The following DNAH6 variants were observed in gnomAD, a reference collection of about 807,000 sequenced individuals.
The protein encoded by DNAH6 is axonemal beta dynein heavy chain 6.
A neutral mutation model predicts 491.4 loss-of-function variants in DNAH6; 340 were observed. The observed-to-expected ratio is 0.69, with a 90% CI of 0.63 to 0.76. DNAH6 has a LOEUF of 0.76. DNAH6 is among the 30% of genes least tolerant of loss of function. The pLI is 0.00. For missense variants in DNAH6, 4,443 were observed against 4,972.2 expected, an observed-to-expected ratio of 0.89 and a Z score of 3.20; for synonymous variants, 1,603 against 1,686.1, an observed-to-expected ratio of 0.95 and a Z score of 1.21.
chr2:84,623,569 A>T (rs1455365417), intron 26 of DNAH6, among the ~76,000 whole-genome samples: 3 of 152,334 alleles, frequency 2.0e-5, no homozygotes, highest in South Asian at 2.1e-4. Flanking sequence ...ACTCTCATGA[A>T]ATTCCTCAAA....
At chr2:84,637,176 G>T (rs754029424) in intron 30 of DNAH6, 34 bp from the exon 31 acceptor site, 13 of 1,492,530 alleles carry the variant, frequency 8.7e-6, no homozygotes, top group Non-Finnish European at 1.2e-5. Flanking sequence ...CAAGTGTCTG[G>T]AAGAGTGTTA....
Position 84,722,590 on chromosome 2 carries a change from G to T in DNAH6, c.9793-35G>T, listed in dbSNP as rs559915495. The stretch of plus-strand genomic sequence containing the variant: ...GAAGTCCCACTATTTTTCTGGAACA[G>T]ATCCCTAAGAACTTGTTATTGTATG... On this transcript the variant is annotated intron_variant, in intron 59 of 76. Coordinates refer to ENST00000389394, the MANE Select transcript of DNAH6 (RefSeq NM_001370.2). 3 of 1,501,818 alleles carry T rather than the reference G, an allele frequency of 2.0e-6. No homozygotes were observed. The South Asian group carries it at 3.9e-5, about 19-fold the overall frequency. 93.0% of individuals were successfully genotyped at this position (1,501,818 alleles called of 1,614,324 possible).
At chr2:84,732,681 T>C (rs1037280671) in intron 61 of DNAH6, among the ~76,000 whole-genome samples, 1 of 152,186 alleles carries the variant, frequency 6.6e-6, no homozygotes, top group Non-Finnish European at 1.5e-5. Flanking sequence ...TTGAGGAAAT[T>C]AAATGTTCTA....
intron 42 of DNAH6, among the ~76,000 whole-genome samples, chr2:84,683,083 T>G (rs1361731823): frequency 2.6e-5 from 4 of 152,136 alleles, no homozygotes; most frequent in Non-Finnish European, 5.9e-5. Flanking sequence ...AAGCTCACTT[T>G]CCCTGCTCAA....
intron 23 of DNAH6, 80 bp from the exon 24 acceptor site, chr2:84,619,605 G>A: frequency 7.6e-7 from 1 of 1,309,058 alleles, no homozygotes; most frequent in East Asian, 2.5e-5. Flanking sequence ...AAGAGATGTG[G>A]CTAAGGAATT....
intron 18 of DNAH6, among the ~76,000 whole-genome samples, chr2:84,603,403 A>G (rs895661551): frequency 1.3e-5 from 2 of 151,968 alleles, no homozygotes; most frequent in South Asian, 4.2e-4. Flanking sequence ...ACCAAAGGTT[A>G]TTTTCTCAAT....
At chr2:84,652,142 G>T (rs1440461919) in intron 33 of DNAH6, among the ~76,000 whole-genome samples, 1 of 151,878 alleles carries the variant, frequency 6.6e-6, no homozygotes, top group Non-Finnish European at 1.5e-5. Flanking sequence ...TTTCTACAGG[G>T]GAGATTCCTG....
chr2:84,589,879 G>A (rs980693800), intron 16 of DNAH6, among the ~76,000 whole-genome samples: 1 of 151,762 alleles, frequency 6.6e-6, no homozygotes, highest in African/African-American at 2.4e-5. Flanking sequence ...TCAAAACCAG[G>A]GAGCCCCTAG....
Position 84,800,190 on chromosome 2 carries a change from T to C in DNAH6, c.11481+2532T>C, listed in dbSNP as rs537522943. 3.0e-3 allele frequency among the ~76,000 whole-genome samples: 449 copies of C among 152,040 alleles called. 3 individuals are homozygous for C. Among genetic ancestry groups the C allele is most frequent in the African/African-American group, 0.011 (439 of 41,438 alleles). On this transcript the variant is annotated intron_variant, in intron 70 of 76. Coordinates refer to ENST00000389394, the MANE Select transcript of DNAH6 (RefSeq NM_001370.2). Reference sequence around the variant, plus strand: ...TGAAAGCACCCAGAAACAAAGCCAATTGATTGTACACAACATACACCACAG... The same window carrying C: ...TGAAAGCACCCAGAAACAAAGCCAACTGATTGTACACAACATACACCACAG...
chr2:84,498,691 G>T, the DNAH6 span, among the ~76,000 whole-genome samples: 3 of 151,940 alleles, frequency 2.0e-5, no homozygotes, highest in African/African-American at 7.3e-5. Flanking sequence ...TCCCATCTCA[G>T]CACCTGCCCT....
chr2:84,678,876 G>T (rs1330865620), intron 41 of DNAH6, among the ~76,000 whole-genome samples: 1 of 152,208 alleles, frequency 6.6e-6, no homozygotes, highest in Non-Finnish European at 1.5e-5. Flanking sequence ...CTGAATTCAG[G>T]TGGGAAAGAA....
chr2:84,655,732 A>G (rs1690899793), intron 35 of DNAH6, among the ~76,000 whole-genome samples: 1 of 152,126 alleles, frequency 6.6e-6, no homozygotes, highest in African/African-American at 2.4e-5. Context: ...TTGAACAGAA[A>G]TGAGAGTTCC....
chr2:84,679,887 A>G (rs1470070384), intron 41 of DNAH6, among the ~76,000 whole-genome samples: 1 of 152,248 alleles, frequency 6.6e-6, no homozygotes, highest in Non-Finnish European at 1.5e-5. Flanking sequence ...ACAGTTACTC[A>G]TGTATATGTT....
intron 75 of DNAH6, among the ~76,000 whole-genome samples, chr2:84,814,460 C>A (rs1680299670): frequency 6.6e-6 from 1 of 152,192 alleles, no homozygotes; most frequent in Admixed American, 6.5e-5. Flanking sequence ...TCTGACACTA[C>A]CTTTCACCAG....
In DNAH6 at chr2:84,670,363, A is replaced by G; in HGVS notation, c.6342A>G (p.Gln2114=). The G allele has an allele frequency of 1.3e-6, 2 of 1,540,032 alleles. No homozygotes were observed. The highest frequency in any genetic ancestry group is 1.4e-5 in the African/African-American group (1 of 72,728). The part of the protein sequence containing the change: ...VIAKGLLNKI[Q]ESAGYVPVYL... The stretch of plus-strand genomic sequence containing the variant: ...CAAAAGGATTGCTAAATAAAATTCA[A>G]GAATCAGCTGGCTATGTCCCTGTTT... The change falls in exon 39 of 77, where the codon CAA becomes CAG. Residue 2114 remains glutamine, a synonymous_variant. Coordinates refer to ENST00000389394, the MANE Select transcript of DNAH6 (RefSeq NM_001370.2).
At chr2:84,796,698 A>T (rs1014371032) in intron 69 of DNAH6, among the ~76,000 whole-genome samples, 8 of 152,158 alleles carry the variant, frequency 5.3e-5, no homozygotes, top group African/African-American at 1.9e-4. Context: ...TATGTTTTGA[A>T]TGTAATCAAA....
At chr2:84,526,043 A>T (rs1676576366) in intron 3 of DNAH6, among the ~76,000 whole-genome samples, 1 of 152,152 alleles carries the variant, frequency 6.6e-6, no homozygotes, top group Non-Finnish European at 1.5e-5. Flanking sequence ...TTTTACCAAA[A>T]ATGGTAATCT....
At chr2:84,566,993 A>C (rs1335484410) in intron 11 of DNAH6, among the ~76,000 whole-genome samples, 1 of 152,120 alleles carries the variant, frequency 6.6e-6, no homozygotes, top group Non-Finnish European at 1.5e-5. Context: ...GGGATCTAAA[A>C]ATAAAATAAA....
At chr2:84,524,471 G>A (rs1676430951) in intron 2 of DNAH6, among the ~76,000 whole-genome samples, 2 of 151,926 alleles carry the variant, frequency 1.3e-5, no homozygotes, top group African/African-American at 4.8e-5. Flanking sequence ...ATTTAGTCCT[G>A]TCATTGTGTT....
Sources: gnomAD v4.1 joint callset for allele counts (sites outside exome capture counted in the v4.1 genomes callset) on GRCh38, gnomAD v4.1.1 for gene constraint, MANE v1.5 for transcripts, NCBI Gene and HGNC (gene_info 2026-07-23, HGNC 2026-07-21) for gene names.